ZNF280D: variants seen among roughly 807,000 people sequenced by gnomAD.
The protein encoded by ZNF280D is zinc finger protein 280D, also known as suppressor of hairy wing homolog 4.
Under a neutral mutation model 94.7 loss-of-function variants are expected in ZNF280D, and 39 were observed. The observed-to-expected ratio is 0.41, with a 90% CI of 0.32 to 0.54. The LOEUF (loss-of-function observed/expected upper bound fraction) is 0.54. Among genes scored for constraint, ZNF280D ranks in the 20% least tolerant of loss-of-function variants. ZNF280D has a pLI of 0.22. For missense variants in ZNF280D, 1,090 were observed against 1,149.3 expected (o/e 0.95, Z 0.75); for synonymous variants, 398 against 377.6 (o/e 1.05, Z -0.63).
intron 6 of ZNF280D, among the ~76,000 whole-genome samples, chr15:56,696,804 T>G (rs1232440957): frequency 6.6e-6 from 1 of 152,220 alleles, no homozygotes; most frequent in Non-Finnish European, 1.5e-5. Context: ...CAGCTATCAT[T>G]TCTGGGTTCC....
Position 56,668,983 on chromosome 15 carries a change from G to A in ZNF280D, c.1411-26C>T, listed in dbSNP as rs142653459. 6.7e-4 allele frequency: 1,060 copies of A among 1,589,726 alleles called. 13 individuals carry two copies. The East Asian group carries it at 0.023, about 34-fold the overall frequency. On this transcript the variant is annotated intron_variant, in intron 13 of 21. Coordinates refer to ENST00000267807, the MANE Select transcript of ZNF280D (RefSeq NM_017661.4). The stretch of plus-strand genomic sequence containing the variant: ...CTGTTTAGAAAAAAACAGAAAAAGG[G>A]GGAAAAATAATTTCAAAAACTACAA...
intron 13 of ZNF280D, among the ~76,000 whole-genome samples, chr15:56,674,677 T>G (rs1277622438): frequency 4.6e-5 from 7 of 152,020 alleles, no homozygotes; most frequent in African/African-American, 1.7e-4. Flanking sequence ...TTGAGAGGAT[T>G]AAACAAGAAA....
At chr15:56,729,998 A>C (rs1387659892) in intron 1 of ZNF280D, 4 of 152,172 alleles carry the variant, frequency 2.6e-5, no homozygotes, top group Non-Finnish European at 4.4e-5. Flanking sequence ...ATTCTTATTA[A>C]AAGCTCCAAT....
intron 9 of ZNF280D, among the ~76,000 whole-genome samples, chr15:56,686,792 G>A (rs570220448): frequency 1.3e-5 from 2 of 151,810 alleles, no homozygotes; most frequent in Admixed American, 6.6e-5. Flanking sequence ...AGTTTTGAAA[G>A]CTAGTTACGC....
chr15:56,687,276 G>A (rs2056092171), intron 9 of ZNF280D, among the ~76,000 whole-genome samples: 2 of 151,958 alleles, frequency 1.3e-5, no homozygotes, highest in Admixed American at 1.3e-4. Context: ...ATGTCATAAT[G>A]TTCTATTATA....
In ZNF280D at chr15:56,631,559, CCT is replaced by C. The variant is rs746021917; in HGVS notation, c.2877_2878del (p.Gly960LysfsTer2). On this transcript the variant is annotated frameshift_variant, in exon 22 of 22. Transcript: ENST00000267807. LOFTEE classifies it high-confidence loss of function. ...TGCCTCTGTTGTGCTAGGGTTATTT[CCT>C]CCAGGAATGTCATCTGTTTGATCAG... is the stretch of plus-strand genomic sequence containing the variant. The C allele has an allele frequency of 2.5e-6, 4 of 1,614,046 alleles. No homozygotes were observed. The African/African-American group carries it at 5.3e-5, about 22-fold the overall frequency.
chr15:56,637,434 G>C (rs1054438487), intron 20 of ZNF280D, among the ~76,000 whole-genome samples: 3 of 151,852 alleles, frequency 2.0e-5, no homozygotes, highest in African/African-American at 4.8e-5. Context: ...TCCTGCATTA[G>C]CTTCCCAAAG....
chr15:56,700,510 A>G (rs1305217613), intron 6 of ZNF280D: 6 of 1,014,022 alleles, frequency 5.9e-6, no homozygotes, highest in Non-Finnish European at 7.1e-6. Flanking sequence ...ATAGGAAAAA[A>G]TGTTTGTTTT....
intron 9 of ZNF280D, among the ~76,000 whole-genome samples, chr15:56,686,417 G>A (rs1340281034): frequency 2.6e-5 from 4 of 152,146 alleles, no homozygotes; most frequent in Non-Finnish European, 4.4e-5. Context: ...GGGATTACAG[G>A]TGTGAGCCAT....
intron 4 of ZNF280D, among the ~76,000 whole-genome samples, chr15:56,703,498 A>C (rs1185972888): frequency 6.6e-6 from 1 of 152,216 alleles, no homozygotes; most frequent in Non-Finnish European, 1.5e-5. Flanking sequence ...TAAGCAAAGC[A>C]TTCCAAATGT....
At chr15:56,710,155 C>T (rs1404212679) in intron 1 of ZNF280D, among the ~76,000 whole-genome samples, 2 of 152,224 alleles carry the variant, frequency 1.3e-5, no homozygotes, top group African/African-American at 4.8e-5. Context: ...GTAATCCCAA[C>T]ACTTTGGGAG....
At position 56,682,486 on chromosome 15, in the gene ZNF280D, G is replaced by GAAAAAAAAAAAAAAAAAA. The variant is rs760502258; in HGVS notation, c.781-27_781-10dup. Reference sequence around the variant, plus strand: ...ATGTCTGGACAACAATACTGAAAGAGAAAAAAAAAAAAAAAAAACAAGCCT... The same window carrying GAAAAAAAAAAAAAAAAAA: ...ATGTCTGGACAACAATACTGAAAGAGAAAAAAAAAAAAAAAAAAAAAAAAAAAAAAAAAAAACAAGCCT... On this transcript the variant is annotated splice_polypyrimidine_tract_variant and intron_variant, in intron 9 of 21. Coordinates refer to ENST00000267807, the MANE Select transcript of ZNF280D (RefSeq NM_017661.4). The GAAAAAAAAAAAAAAAAAA allele has an allele frequency of 2.2e-6, 1 of 456,314 alleles. No homozygotes were observed. The highest frequency in any genetic ancestry group is 3.1e-6 in the Non-Finnish European group (1 of 319,264). The allele number at this position is 456,314 out of a possible 1,614,324, so 28.3% of individuals were successfully genotyped here.
At chr15:56,644,509 A>G (rs538912086) in intron 19 of ZNF280D, among the ~76,000 whole-genome samples, 2 of 152,250 alleles carry the variant, frequency 1.3e-5, no homozygotes, top group Non-Finnish European at 2.9e-5. Flanking sequence ...ATTTCTAAGC[A>G]TTTAGTCATT....
chr15:56,639,152 A>G (rs2052498557), intron 20 of ZNF280D, among the ~76,000 whole-genome samples: 1 of 151,954 alleles, frequency 6.6e-6, no homozygotes, highest in African/African-American at 2.4e-5. Flanking sequence ...AACAAATAAA[A>G]AGTTACAGAG....
intron 1 of ZNF280D, among the ~76,000 whole-genome samples, chr15:56,730,960 G>T (rs1239260620): frequency 3.9e-5 from 6 of 152,100 alleles, no homozygotes; most frequent in African/African-American, 1.4e-4. Context: ...TCAAATTTAG[G>T]ATTATTAATA....
At chr15:56,731,875 A>G (rs551968217) in intron 1 of ZNF280D, among the ~76,000 whole-genome samples, 2 of 152,324 alleles carry the variant, frequency 1.3e-5, no homozygotes, top group South Asian at 4.1e-4. Flanking sequence ...AATTAACTCG[A>G]GAATAAAAAT....
chr15:56,674,387 C>T (rs2055074047), intron 13 of ZNF280D, among the ~76,000 whole-genome samples: 1 of 151,936 alleles, frequency 6.6e-6, no homozygotes, highest in African/African-American at 2.4e-5. Context: ...AAACAGTGAT[C>T]TATTCCAAGA....
intron 1 of ZNF280D, among the ~76,000 whole-genome samples, chr15:56,726,697 T>G (rs890801198): frequency 3.3e-5 from 5 of 152,242 alleles, no homozygotes; most frequent in African/African-American, 9.6e-5. Flanking sequence ...GACTAATGCA[T>G]TAGCCTTAAT....
intron 1 of ZNF280D, among the ~76,000 whole-genome samples, chr15:56,722,227 A>G (rs924364117): frequency 1.3e-5 from 2 of 152,226 alleles, no homozygotes; most frequent in Admixed American, 6.5e-5. Flanking sequence ...ACTGATCAGA[A>G]ATCACCATAA....
Sources: allele counts gnomAD v4.1 joint callset (sites outside exome capture counted in the v4.1 genomes callset), GRCh38; gene constraint gnomAD v4.1.1; transcripts MANE v1.5; gene names NCBI Gene and HGNC (gene_info 2026-07-23, HGNC 2026-07-21).